The following KLRC3 variants were observed in gnomAD, a reference collection of about 807,000 sequenced individuals.
KLRC3 encodes the protein killer cell lectin like receptor C3.
A neutral mutation model predicts 23.6 loss-of-function variants in KLRC3; 16 were observed. The observed-to-expected ratio is 0.68, with a 90% CI of 0.46 to 1.03. The LOEUF is 1.03. KLRC3 is among the 50% of genes least tolerant of loss of function. KLRC3 has a pLI of 0.00. For synonymous variants in KLRC3, 70 were observed against 71.8 expected, an observed-to-expected ratio of 0.98 and a Z score of 0.13; for missense variants, 209 against 232.2, an observed-to-expected ratio of 0.90 and a Z score of 0.65.
At chr12:10,414,092 T>C (rs896239587) in intron 6 of KLRC3, among the ~76,000 whole-genome samples, 1 of 152,152 alleles carries the variant, frequency 6.6e-6, no homozygotes, top group African/African-American at 2.4e-5. Flanking sequence ...CGTGGTCAAA[T>C]ATCCTTGTGA....
intron 5 of KLRC3, among the ~76,000 whole-genome samples, chr12:10,416,275 C>T (rs1056380741): frequency 1.3e-5 from 2 of 152,210 alleles, no homozygotes; most frequent in African/African-American, 4.8e-5. Flanking sequence ...CCGCATGTGG[C>T]CCAGGAAGCT....
At chr12:10,415,848 A>C in intron 5 of KLRC3, 54 bp from the exon 6 acceptor site, 1 of 1,282,214 alleles carries the variant, frequency 7.8e-7, no homozygotes, top group Non-Finnish European at 1.1e-6. Flanking sequence ...ATGACCCATG[A>C]GACAAAAGCA....
chr12:10,419,608 T>G (rs1321108796), intron 2 of KLRC3: 2 of 1,114,130 alleles, frequency 1.8e-6, no homozygotes, highest in Non-Finnish European at 2.5e-6. Flanking sequence ...AATAGAAAAA[T>G]TAAAATGATT....
chr12:10,413,319 A>G (rs552396657), intron 6 of KLRC3, among the ~76,000 whole-genome samples: 114 of 152,302 alleles, frequency 7.5e-4, no homozygotes, highest in African/African-American at 2.5e-3. Context: ...GTCACAAAGG[A>G]CTACTAAGGG....
chr12:10,415,403 T>C (rs1314235881), intron 6 of KLRC3, among the ~76,000 whole-genome samples: 1 of 152,224 alleles, frequency 6.6e-6, no homozygotes, highest in African/African-American at 2.4e-5. Context: ...TCCATGGTTT[T>C]GCTTGTTCTT....
At chr12:10,416,645 A>G in intron 5 of KLRC3, 22 bp downstream of exon 5, 1 of 1,599,288 alleles carries the variant, frequency 6.3e-7, no homozygotes, top group Non-Finnish European at 8.5e-7. Context: ...TTTTTTATAT[A>G]GCACCCTATA....
intron 6 of KLRC3, 164 bp downstream of exon 6, chr12:10,415,540 A>G: frequency 1.7e-6 from 2 of 1,157,106 alleles, no homozygotes; most frequent in Non-Finnish European, 2.4e-6. Context: ...AATTGTGTGT[A>G]TTATATTTCA....
intron 6 of KLRC3, 35 bp downstream of exon 6, chr12:10,415,669 A>G (rs1863630610): frequency 6.2e-7 from 1 of 1,613,178 alleles, no homozygotes; most frequent in Middle Eastern, 1.7e-4. Flanking sequence ...ATGCACTGCA[A>G]GCTCAAGCGC....
intron 4 of KLRC3, among the ~76,000 whole-genome samples, chr12:10,417,351 GGAAA>G (rs1863660069): frequency 6.6e-6 from 1 of 151,846 alleles, no homozygotes; most frequent in African/African-American, 2.4e-5. Flanking sequence ...TCTGAAAGGT[GGAAA>G]GAGAAAGATG....
rs538775907 is a variant in KLRC3, at chr12:10,416,654, T to C, written c.587+13A>G. 4.6e-5 allele frequency: 74 copies of C among 1,608,576 alleles called. 1 individual carries two copies. The African/African-American group carries it at 7.7e-4, about 17-fold the overall frequency. On this transcript the variant is annotated intron_variant, in intron 5 of 6. Coordinates refer to ENST00000396439, the MANE Select transcript of KLRC3 (RefSeq NM_002261.3). ...TTATATTTTTTTATATAGCACCCTA[T>C]AAAACAACTTACTCATGTTTGAAAG...
chr12:10,415,925 T>G (rs1161535600), intron 5 of KLRC3, 131 bp from the exon 6 acceptor site: 1 of 666,188 alleles, frequency 1.5e-6, no homozygotes, highest in African/African-American at 1.8e-5. Context: ...ATGCTATTAC[T>G]AAAAGTCATT....
rs777222802 is a variant in KLRC3, at chr12:10,416,656, A to G, written c.587+11T>C. On this transcript the variant is annotated intron_variant, in intron 5 of 6. Coordinates refer to ENST00000396439, the MANE Select transcript of KLRC3 (RefSeq NM_002261.3). ...ATATTTTTTTATATAGCACCCTATA[A>G]AACAACTTACTCATGTTTGAAAGCC... is the stretch of plus-strand genomic sequence containing the variant. The G allele has an allele frequency of 6.2e-7, 1 of 1,609,476 alleles. No individual in the cohort carries two copies. The highest frequency in any genetic ancestry group is 1.1e-5 in the South Asian group (1 of 89,780).
At chr12:10,416,925 T>C (rs576012585) in intron 4 of KLRC3, among the ~76,000 whole-genome samples, 158 bp from the exon 5 acceptor site, 1 of 152,118 alleles carries the variant, frequency 6.6e-6, no homozygotes, top group Non-Finnish European at 1.5e-5. Flanking sequence ...TACTTAGTAC[T>C]TTCATTCTTA....
At chr12:10,418,827 T>C (rs36058968) in intron 3 of KLRC3, among the ~76,000 whole-genome samples, 10 of 152,152 alleles carry the variant, frequency 6.6e-5, no homozygotes, top group African/African-American at 1.7e-4. Flanking sequence ...AGTAGGAGAC[T>C]TCTGTTAATT....
chr12:10,412,935 G>GT (rs1358000623), intron 6 of KLRC3, among the ~76,000 whole-genome samples: 1 of 152,116 alleles, frequency 6.6e-6, no homozygotes, highest in African/African-American at 2.4e-5. Context: ...AGACAGGCCA[G>GT]TGAGCCTATA....
At chr12:10,416,224 T>C (rs1863640849) in intron 5 of KLRC3, among the ~76,000 whole-genome samples, 1 of 152,254 alleles carries the variant, frequency 6.6e-6, no homozygotes, top group South Asian at 2.1e-4. Flanking sequence ...TGCAATTCCC[T>C]GATAGTCCAT....
At chr12:10,414,795 G>T (rs576730368) in intron 6 of KLRC3, among the ~76,000 whole-genome samples, 47 of 151,374 alleles carry the variant, frequency 3.1e-4, no homozygotes, top group African/African-American at 8.2e-4. Context: ...AAAAAGAAAA[G>T]AAAATAAAAT....
intron 6 of KLRC3, among the ~76,000 whole-genome samples, chr12:10,414,774 GAAAA>G (rs901451905): frequency 1.4e-5 from 2 of 143,758 alleles, no homozygotes; most frequent in African/African-American, 5.1e-5. Context: ...AATAAAAAAA[GAAAA>G]AAAAAGAAAA....
rs368236369 is a variant in KLRC3 at position 10,416,659 on chromosome 12, C to G, written c.587+8G>C. The G allele has an allele frequency of 4.5e-5, 73 of 1,608,404 alleles. 1 individual carries two copies. In the African/African-American group the frequency reaches 7.7e-4, roughly 17 times the overall value. On this transcript the variant is annotated splice_region_variant and intron_variant, in intron 5 of 6. Coordinates refer to ENST00000396439, the MANE Select transcript of KLRC3 (RefSeq NM_002261.3). ...TTTTTTTATATAGCACCCTATAAAACAACTTACTCATGTTTGAAAGCCAAA... is the reference window on the plus strand; with the variant it reads ...TTTTTTTATATAGCACCCTATAAAAGAACTTACTCATGTTTGAAAGCCAAA...
Sources: allele counts gnomAD v4.1 joint callset (sites outside exome capture counted in the v4.1 genomes callset), GRCh38; gene constraint gnomAD v4.1.1; transcripts MANE v1.5; gene names NCBI Gene and HGNC (gene_info 2026-07-23, HGNC 2026-07-21).